Variants in PNKD observed in about 807,000 individuals in gnomAD.
The protein encoded by PNKD is PNKD metallo-beta-lactamase domain containing.
Under a neutral mutation model 45.3 loss-of-function variants are expected in PNKD, and 36 were observed. The ratio of observed to expected loss-of-function variants is 0.80; its 90% CI spans 0.61 to 1.05. The LOEUF is 1.05. PNKD is among the 50% of genes least tolerant of loss of function. The pLI, the probability that PNKD is intolerant of heterozygous loss-of-function variation, is 0.00. For missense variants in PNKD, 511 were observed against 506.6 expected (o/e 1.01, Z -0.08); for synonymous variants, 197 against 210.1 (o/e 0.94, Z 0.54).
At chr2:218,276,120 G>A in intron 2 of PNKD, 1 of 1,602,180 alleles carries the variant, frequency 6.2e-7, no homozygotes, top group Non-Finnish European at 8.5e-7. Context: ...AGAAACCTCA[G>A]CAAACCACAG....
intron 2 of PNKD, among the ~76,000 whole-genome samples, chr2:218,338,328 G>A (rs1431479370): frequency 1.3e-5 from 2 of 151,234 alleles, no homozygotes; most frequent in African/African-American, 4.9e-5. Context: ...GGGCATGGTG[G>A]TGTGAGCCTG....
chr2:218,306,155 G>A (rs1339833799), intron 2 of PNKD, among the ~76,000 whole-genome samples: 2 of 152,194 alleles, frequency 1.3e-5, no homozygotes, highest in African/African-American at 4.8e-5. Flanking sequence ...GGGAGCAGCA[G>A]GAACGCCACA....
rs74826045 is a variant in PNKD at position 218,275,559 on chromosome 2, G to A, written c.236+4010G>A. ...AAATCTGCAGGGCGCCAGTGATGTA[G>A]TCCTCGGGGCTGATGGTGTGCTTCC... On this transcript the variant is annotated intron_variant, in intron 2 of 9. Transcript: ENST00000273077. The A allele has an allele frequency of 4.2e-4, 683 of 1,613,978 alleles. 9 individuals are homozygous for A. The East Asian group carries it at 0.012, about 27-fold the overall frequency.
In PNKD at chr2:218,340,910, G is replaced by A. The variant is rs745834635; in HGVS notation, c.524+124G>A. ...GTACGGGCCGGCACCCGCCTTCCTC[G>A]TGAAGTCACCTGGACACCAGCAGGG... On this transcript the variant is annotated intron_variant, in intron 5 of 9. Coordinates refer to ENST00000273077, the MANE Select transcript of PNKD (RefSeq NM_015488.5). This position sits in a 1 kb window ranked among gnomAD's most constrained non-coding sequence, Gnocchi z 4.2. 6 of 793,630 alleles carry A rather than the reference G, an allele frequency of 7.6e-6. No homozygotes were observed. Among genetic ancestry groups the A allele is most frequent in the South Asian group, 2.7e-5 (2 of 72,968 alleles). 49.2% of individuals were successfully genotyped at this position (793,630 alleles called of 1,614,324 possible). A position where few individuals can be genotyped will look rare whatever the true frequency, so the allele number is the denominator to read the frequency against.
intron 2 of PNKD, among the ~76,000 whole-genome samples, chr2:218,310,262 AC>A (rs1435297452): frequency 2.6e-5 from 4 of 152,136 alleles, no homozygotes; most frequent in African/African-American, 9.7e-5. Flanking sequence ...TCACTCTGTC[AC>A]CCAAGCTGGA....
chr2:218,292,241 A>G (rs1017011035), intron 2 of PNKD, among the ~76,000 whole-genome samples: 1 of 152,204 alleles, frequency 6.6e-6, no homozygotes, highest in Non-Finnish European at 1.5e-5. Flanking sequence ...AAGGCTAACC[A>G]GGTGCCACAG....
chr2:218,284,163 C>CAAAAG (rs1553660210), intron 2 of PNKD: 5 of 132,470 alleles, frequency 3.8e-5, no homozygotes, highest in African/African-American at 1.1e-4. Flanking sequence ...GACTCCATCT[C>CAAAAG]AAAAGAAAAA....
chr2:218,323,191 TC>T, intron 2 of PNKD: 3 of 1,383,676 alleles, frequency 2.2e-6, no homozygotes, highest in South Asian at 1.6e-5. Flanking sequence ...GCAGGCAGGT[TC>T]CCCGCGGGGG....
In PNKD at chr2:218,341,974, T is replaced by G; in HGVS notation, c.618-7T>G. 2 of 1,610,708 alleles carry G rather than the reference T, an allele frequency of 1.2e-6. No homozygotes were observed. The highest frequency in any genetic ancestry group is 1.7e-6 in the Non-Finnish European group (2 of 1,176,840). On this transcript the variant is annotated splice_region_variant and splice_polypyrimidine_tract_variant and intron_variant, in intron 6 of 9. Transcript: ENST00000273077. ...TACCTTCTGTCCCCTGCTCCCTTGT[T>G]CCCCAGTCCCCTGTGTCATCAAGAT...
At chr2:218,314,863 T>C (rs1356415964) in intron 2 of PNKD, among the ~76,000 whole-genome samples, 1 of 152,020 alleles carries the variant, frequency 6.6e-6, no homozygotes, top group Non-Finnish European at 1.5e-5. Flanking sequence ...CTAATTTTTG[T>C]ATTTTTAGCA....
intron 2 of PNKD, chr2:218,275,985 A>C: frequency 6.3e-7 from 1 of 1,593,316 alleles, no homozygotes; most frequent in South Asian, 1.1e-5. Context: ...TCCTCCCCTC[A>C]TCCCCTCAGC....
At chr2:218,272,480 G>C (rs1690882107) in intron 2 of PNKD, 7 of 1,199,862 alleles carry the variant, frequency 5.8e-6, no homozygotes, top group Admixed American at 5.1e-5. Context: ...CAGCATTCAT[G>C]CAACTGATGA....
At chr2:218,312,263 G>A (rs1357293624) in intron 2 of PNKD, among the ~76,000 whole-genome samples, 1 of 152,188 alleles carries the variant, frequency 6.6e-6, no homozygotes, top group Non-Finnish European at 1.5e-5. Flanking sequence ...TTTGTTGTGA[G>A]AGCTGAGGGT....
Position 218,344,492 on chromosome 2 carries a change from T to G in PNKD, c.906T>G (p.Gly302=), listed in dbSNP as rs746182242. ...EYAEENLGFA[G]VVEPENLARE... ...CAGAGGAGAACCTGGGCTTTGCAGG[T>G]GTGGTGGAGCCCGAGAACCTGGCCC... Residue 302 remains glycine, a synonymous_variant, in exon 9 of 10, where the codon GGT becomes GGG. Coordinates refer to ENST00000273077, the MANE Select transcript of PNKD (RefSeq NM_015488.5). The G allele has an allele frequency of 2.0e-5, 32 of 1,589,232 alleles. No homozygotes were observed. The South Asian group carries it at 3.5e-4, about 18-fold the overall frequency.
At chr2:218,300,357 C>G (rs1332651118) in intron 2 of PNKD, among the ~76,000 whole-genome samples, 2 of 152,262 alleles carry the variant, frequency 1.3e-5, no homozygotes, top group Non-Finnish European at 2.9e-5. Context: ...CAGCCTCACT[C>G]TCAGCCTCGA....
At chr2:218,342,190 C>G in intron 7 of PNKD, 46 bp downstream of exon 7, 2 of 1,561,392 alleles carry the variant, frequency 1.3e-6, no homozygotes, top group Non-Finnish European at 8.8e-7. Context: ...GAGGGAGAGA[C>G]AGAAGCCAGG....
rs528882408 is a variant in PNKD, at chr2:218,303,628, A to G, written c.236+32079A>G. On this transcript the variant is annotated intron_variant, in intron 2 of 9. Coordinates refer to ENST00000273077, the MANE Select transcript of PNKD (RefSeq NM_015488.5). ...GTCTTGCTCTGTTGCCCAGGCTGGA[A>G]TGCAGTGGCATGATCTCGGCTCACT... Among the ~76,000 whole-genome samples, 220 of 141,932 alleles carry G rather than the reference A, an allele frequency of 1.6e-3. 2 individuals are homozygous for G. Among genetic ancestry groups the G allele is most frequent in the Middle Eastern group, 0.013 (3 of 240 alleles). The allele number at this position is 141,932 out of a possible 152,430, so 93.1% of individuals were successfully genotyped here.
intron 2 of PNKD, among the ~76,000 whole-genome samples, chr2:218,314,848 C>T (rs1297367993): frequency 6.6e-6 from 1 of 152,102 alleles, no homozygotes; most frequent in Non-Finnish European, 1.5e-5. Context: ...TGCCACCATG[C>T]CCTGCTAATT....
intron 2 of PNKD, among the ~76,000 whole-genome samples, chr2:218,329,140 C>T (rs1430614407): frequency 6.6e-6 from 1 of 152,172 alleles, no homozygotes; most frequent in Non-Finnish European, 1.5e-5. Flanking sequence ...AACTGGGAGG[C>T]AGAGGTTGCA....
Sources: allele counts gnomAD v4.1 joint callset (sites outside exome capture counted in the v4.1 genomes callset), GRCh38; gene constraint gnomAD v4.1.1; non-coding constraint Gnocchi (gnomAD v3.1); transcripts MANE v1.5; gene names NCBI Gene and HGNC (gene_info 2026-07-23, HGNC 2026-07-21).